DGKI: variants seen among roughly 807,000 people sequenced by gnomAD.
DGKI encodes the protein diacylglycerol kinase iota, also known as DAG kinase iota.
In DGKI, 55 loss-of-function variants were observed where a neutral mutation model predicts 147.5. The ratio of observed to expected loss-of-function variants is 0.37; its 90% CI spans 0.30 to 0.47. DGKI has a LOEUF of 0.47. DGKI is among the 20% of genes least tolerant of loss of function. The probability of loss-of-function intolerance (pLI) is 1.00; values close to 1 mark genes in which losing one functional copy is unlikely to be tolerated. For missense variants in DGKI, 1,007 were observed against 1,323.8 expected (o/e 0.76, Z 3.71); for synonymous variants, 469 against 477.1 (o/e 0.98, Z 0.22).
At chr7:137,704,545 AT>A (rs1296517465) in intron 1 of DGKI, among the ~76,000 whole-genome samples, 1 of 152,138 alleles carries the variant, frequency 6.6e-6, no homozygotes, top group African/African-American at 2.4e-5. Flanking sequence ...ATACCAGCAT[AT>A]TCATAATAGA....
chr7:137,846,736 C>A lies in DGKI; in HGVS notation c.127G>T (p.Ala43Ser), dbSNP rs933979491. ...CCCGCTCCGGCGGCCGCGGAGGGAG[C>A]GCAGGCGGCGCCGCTGCAGGGGCCG... ...PPGPCSGAAC[A>S]PSAAAGAGAM... is the part of the protein sequence containing the mutation. Residue 43 changes from alanine (A) to serine (S), a missense_variant, in exon 1 of 33, where the codon GCT (alanine) becomes TCT (serine). Coordinates refer to ENST00000614521, the MANE Select transcript of DGKI (RefSeq NM_001321708.2). This position sits in a 1 kb window ranked among gnomAD's most constrained non-coding sequence, Gnocchi z 4.0. 7 of 1,010,222 alleles carry A rather than the reference C, an allele frequency of 6.9e-6. No homozygotes were observed. The highest frequency in any genetic ancestry group is 5.9e-5 in the Admixed American group (1 of 16,848). The allele number at this position is 1,010,222 out of a possible 1,614,324, so 62.6% of individuals were successfully genotyped here. A position where few individuals can be genotyped will look rare whatever the true frequency, so the allele number is the denominator to read the frequency against.
intron 1 of DGKI, among the ~76,000 whole-genome samples, chr7:137,806,515 G>A (rs1222543245): frequency 6.6e-6 from 1 of 152,014 alleles, no homozygotes; most frequent in Non-Finnish European, 1.5e-5. Context: ...CTCACTGCAA[G>A]CTCCGCCTCC....
chr7:137,668,765 T>C (rs1253405835), intron 3 of DGKI, among the ~76,000 whole-genome samples: 1 of 152,212 alleles, frequency 6.6e-6, no homozygotes. Flanking sequence ...AGAGCCTGAC[T>C]GTCAGCTAGG....
intron 12 of DGKI, among the ~76,000 whole-genome samples, chr7:137,591,238 C>T (rs964817762): frequency 1.1e-4 from 17 of 152,142 alleles, no homozygotes; most frequent in Admixed American, 9.2e-4. Flanking sequence ...CTTTATGAAC[C>T]GGATAAATAG....
intron 5 of DGKI, among the ~76,000 whole-genome samples, 191 bp from the exon 6 acceptor site, chr7:137,645,728 G>C (rs1821802160): frequency 6.6e-6 from 1 of 152,174 alleles, no homozygotes. Flanking sequence ...TACTGCACTT[G>C]ATTGAGTATG....
intron 10 of DGKI, 126 bp from the exon 11 acceptor site, chr7:137,600,031 C>A: frequency 1.2e-6 from 1 of 804,664 alleles, no homozygotes. Context: ...CGCCTGTAAT[C>A]CCAGCACCTT....
intron 21 of DGKI, among the ~76,000 whole-genome samples, chr7:137,492,850 G>C (rs1039572443): frequency 2.0e-5 from 3 of 152,184 alleles, no homozygotes; most frequent in African/African-American, 7.2e-5. Flanking sequence ...TGCCTAACTG[G>C]GGTGTCTCCC....
At chr7:137,612,990 T>A (rs1209528824) in intron 8 of DGKI, among the ~76,000 whole-genome samples, 1 of 152,192 alleles carries the variant, frequency 6.6e-6, no homozygotes, top group Non-Finnish European at 1.5e-5. Context: ...CATACCAGGA[T>A]AATTGTACCT....
At chr7:137,684,045 A>C (rs1823332305) in intron 2 of DGKI, among the ~76,000 whole-genome samples, 1 of 152,250 alleles carries the variant, frequency 6.6e-6, no homozygotes, top group African/African-American at 2.4e-5. Context: ...TGCTTATAAA[A>C]ATGTTTTGAA....
At chr7:137,729,263 C>T (rs1183848928) in intron 1 of DGKI, among the ~76,000 whole-genome samples, 1 of 152,038 alleles carries the variant, frequency 6.6e-6, no homozygotes, top group Non-Finnish European at 1.5e-5. Context: ...TTATAGAAAA[C>T]TCAGTTTTCT....
At chr7:137,539,362 G>T (rs1461093532) in intron 20 of DGKI, among the ~76,000 whole-genome samples, 1 of 152,146 alleles carries the variant, frequency 6.6e-6, no homozygotes, top group Admixed American at 6.5e-5. Context: ...TACCAGGGAT[G>T]ACAGCAGAAA....
chr7:137,607,296 G>A (rs940202923), intron 10 of DGKI, among the ~76,000 whole-genome samples: 2 of 152,142 alleles, frequency 1.3e-5, no homozygotes, highest in East Asian at 1.9e-4. Context: ...TGCAGTTAAT[G>A]TTGCTTAAAT....
At position 137,604,930 on chromosome 7, in the gene DGKI, T is replaced by C. The variant is rs189144185; in HGVS notation, c.1167+4036A>G. 2.9e-3 allele frequency among the ~76,000 whole-genome samples: 435 copies of C among 152,306 alleles called. 3 individuals are homozygous for C. Among genetic ancestry groups the C allele is most frequent in the African/African-American group, 0.01 (416 of 41,546 alleles). ...TAAGGGAGGGGACGTATTTCTCTAG[T>C]ACTCGAAAGTTTCCACACATAGGAG... is the stretch of plus-strand genomic sequence containing the variant. On this transcript the variant is annotated intron_variant, in intron 10 of 32. Transcript: ENST00000614521.
intron 15 of DGKI, among the ~76,000 whole-genome samples, chr7:137,579,633 C>T (rs1364831158): frequency 6.6e-6 from 1 of 152,038 alleles, no homozygotes; most frequent in Non-Finnish European, 1.5e-5. Flanking sequence ...TCTATCCCAC[C>T]TGCATGAATA....
chr7:137,676,773 C>A (rs1823052133), intron 3 of DGKI, among the ~76,000 whole-genome samples: 1 of 152,112 alleles, frequency 6.6e-6, no homozygotes, highest in Admixed American at 6.5e-5. Flanking sequence ...TATTAGTGAA[C>A]AAGTAATAAT....
chr7:137,471,129 C>T (rs926771377), intron 23 of DGKI, among the ~76,000 whole-genome samples: 3 of 152,116 alleles, frequency 2.0e-5, no homozygotes, highest in African/African-American at 7.2e-5. Flanking sequence ...TTCTAGTTTA[C>T]AACATGTGAT....
intron 22 of DGKI, among the ~76,000 whole-genome samples, chr7:137,486,775 T>C (rs116717559): frequency 6.6e-6 from 1 of 152,138 alleles, no homozygotes; most frequent in African/African-American, 2.4e-5. Flanking sequence ...CTACTTTATT[T>C]ACAATATTTA....
intron 6 of DGKI, among the ~76,000 whole-genome samples, chr7:137,638,567 C>CACATATATATATATATACACATATAT (rs1554446544): frequency 1.5e-4 from 5 of 33,134 alleles, no homozygotes; most frequent in Non-Finnish European, 3.3e-4. Context: ...TATATATACA[C>CACATATATATATATATACACATATAT]ACATATATGT....
chr7:137,829,729 T>C (rs1798165246), intron 1 of DGKI, among the ~76,000 whole-genome samples: 1 of 152,250 alleles, frequency 6.6e-6, no homozygotes, highest in Non-Finnish European at 1.5e-5. Context: ...ATAAGTAATT[T>C]TCTTGGCCAC....
Sources: gnomAD v4.1 joint callset for allele counts (sites outside exome capture counted in the v4.1 genomes callset) on GRCh38, gnomAD v4.1.1 for gene constraint, Gnocchi (gnomAD v3.1) non-coding constraint, MANE v1.5 for transcripts, NCBI Gene and HGNC (gene_info 2026-07-23, HGNC 2026-07-21) for gene names.